Variants in KIAA1549 observed in about 807,000 individuals in gnomAD.
KIAA1549 encodes the protein KIAA1549, also known as UPF0606 protein KIAA1549.
A neutral mutation model predicts 156.4 loss-of-function variants in KIAA1549; 70 were observed. The ratio of observed to expected loss-of-function variants is 0.45; its 90% confidence interval spans 0.37 to 0.55. The LOEUF is 0.55. Among genes scored for constraint, KIAA1549 ranks in the 20% least tolerant of loss-of-function variants. The pLI is 0.00. For synonymous variants in KIAA1549, 1,103 were observed against 1,066.4 expected (o/e 1.03, Z -0.67); for missense variants, 2,428 against 2,540.9 (o/e 0.96, Z 0.96).
intron 1 of KIAA1549, among the ~76,000 whole-genome samples, chr7:138,959,575 C>T (rs1259433334): frequency 6.6e-6 from 1 of 152,194 alleles, no homozygotes; most frequent in East Asian, 1.9e-4. Context: ...TTAACCCTGA[C>T]TGTTGGTTAT....
chr7:138,867,934 GC>G, intron 15 of KIAA1549, 40 bp downstream of exon 15: 1 of 1,603,170 alleles, frequency 6.2e-7, no homozygotes, highest in Non-Finnish European at 8.5e-7. Flanking sequence ...TCTAGGAGCC[GC>G]CCCACCCGAG....
intron 1 of KIAA1549, among the ~76,000 whole-genome samples, chr7:138,975,727 G>C (rs1295661004): frequency 6.6e-6 from 1 of 152,174 alleles, no homozygotes; most frequent in Middle Eastern, 3.2e-3. Context: ...GATGAAAGGT[G>C]GGTGGTCACA....
chr7:138,970,188 T>C (rs555225839), intron 1 of KIAA1549, among the ~76,000 whole-genome samples: 14 of 152,338 alleles, frequency 9.2e-5, no homozygotes, highest in South Asian at 2.1e-4. Flanking sequence ...TGTTTATTCA[T>C]TCATCTGTCC....
chr7:138,931,758 A>AC (rs1812879756), intron 1 of KIAA1549, among the ~76,000 whole-genome samples: 1 of 82,122 alleles, frequency 1.2e-5, no homozygotes, highest in African/African-American at 9.4e-5. Context: ...ATCTCAAAAA[A>AC]AAAAAAAAAA....
intron 1 of KIAA1549, among the ~76,000 whole-genome samples, chr7:138,955,933 A>T (rs1813650464): frequency 6.6e-6 from 1 of 152,060 alleles, no homozygotes; most frequent in African/African-American, 2.4e-5. Context: ...TGCTTCTGTC[A>T]CCCAGGCTGG....
chr7:138,916,861 CGCAGGGATG>C lies in KIAA1549; in HGVS notation c.2756_2764del (p.Pro919_Leu921del). ...TTCGAGAGTGAAGGCAGTCACGGGA[CGCAGGGATG>C]GCAGGGGAGGAGCAGCACTACTCTC... On this transcript the variant is annotated inframe_deletion, in exon 2 of 20. Coordinates refer to ENST00000422774, the MANE Select transcript of KIAA1549 (RefSeq NM_001164665.2). 2 of 1,613,900 alleles carry C rather than the reference CGCAGGGATG, an allele frequency of 1.2e-6. No individual in the cohort carries two copies. The highest frequency in any genetic ancestry group is 2.7e-5 in the African/African-American group (2 of 75,034).
chr7:138,870,203 A>G (rs541066990), intron 13 of KIAA1549, among the ~76,000 whole-genome samples: 6 of 151,808 alleles, frequency 4.0e-5, no homozygotes, highest in Non-Finnish European at 8.8e-5. Flanking sequence ...TCTGGCCCAC[A>G]CTTAACTTGC....
chr7:138,844,240 C>T (rs747846281), intron 18 of KIAA1549, 77 bp downstream of exon 18: 61 of 1,546,016 alleles, frequency 3.9e-5, no homozygotes, highest in Non-Finnish European at 4.7e-5. Flanking sequence ...CACTGACACT[C>T]TGAGACACCT....
chr7:138,941,270 C>G (rs933719523), intron 1 of KIAA1549, among the ~76,000 whole-genome samples: 1 of 151,980 alleles, frequency 6.6e-6, no homozygotes, highest in Non-Finnish European at 1.5e-5. Context: ...AATCATTGAC[C>G]CTGTGAATAT....
At chr7:138,924,882 C>G (rs1053329965) in intron 1 of KIAA1549, among the ~76,000 whole-genome samples, 3 of 152,114 alleles carry the variant, frequency 2.0e-5, no homozygotes, top group Admixed American at 6.6e-5. Flanking sequence ...TCTTGGATGA[C>G]AGAGAAAGGA....
chr7:138,964,942 G>A (rs1163805930), intron 1 of KIAA1549, among the ~76,000 whole-genome samples: 1 of 151,374 alleles, frequency 6.6e-6, no homozygotes, highest in Non-Finnish European at 1.5e-5. Flanking sequence ...GCTCATAGCA[G>A]TGTTTTTTTT....
At chr7:138,910,995 G>A in intron 4 of KIAA1549, 151 bp downstream of exon 4, 1 of 651,810 alleles carries the variant, frequency 1.5e-6, no homozygotes, top group Non-Finnish European at 2.5e-6. Context: ...TCACACCACT[G>A]CATTCCAGCC....
chr7:138,923,677 A>G (rs1812628131), intron 1 of KIAA1549, among the ~76,000 whole-genome samples: 1 of 152,182 alleles, frequency 6.6e-6, no homozygotes, highest in Non-Finnish European at 1.5e-5. Context: ...TAATACTCCT[A>G]TGTAATTGGT....
intron 9 of KIAA1549, among the ~76,000 whole-genome samples, chr7:138,898,107 G>T (rs1026590970): frequency 1.5e-4 from 22 of 151,398 alleles, no homozygotes; most frequent in African/African-American, 5.3e-4. Flanking sequence ...AAGAGATCGA[G>T]ACCATCCGGG....
intron 1 of KIAA1549, among the ~76,000 whole-genome samples, chr7:138,966,790 T>C (rs1056142179): frequency 6.6e-6 from 1 of 152,072 alleles, no homozygotes; most frequent in Non-Finnish European, 1.5e-5. Context: ...ACACTCAATA[T>C]TAACCTTGCA....
intron 1 of KIAA1549, among the ~76,000 whole-genome samples, chr7:138,954,696 C>T (rs1275292883): frequency 1.3e-5 from 2 of 152,256 alleles, no homozygotes; most frequent in Non-Finnish European, 2.9e-5. Context: ...TCCAGGCTCA[C>T]GGAAGCCTCT....
intron 1 of KIAA1549, among the ~76,000 whole-genome samples, chr7:138,921,229 C>A (rs140825623): frequency 6.6e-6 from 1 of 152,172 alleles, no homozygotes; most frequent in Non-Finnish European, 1.5e-5. Flanking sequence ...CAAAAACAGG[C>A]ATCGGTTTCT....
chr7:138,889,445 T>A (rs1811489750), intron 10 of KIAA1549, among the ~76,000 whole-genome samples: 1 of 152,244 alleles, frequency 6.6e-6, no homozygotes, highest in Admixed American at 6.5e-5. Context: ...ATCGAGCAGT[T>A]AATATACAGC....
At position 138,963,761 on chromosome 7, in the gene KIAA1549, C is replaced by T. The variant is rs565707334; in HGVS notation, c.187+17322G>A. Among the ~76,000 whole-genome samples the T allele has an allele frequency of 3.3e-5, 5 of 152,274 alleles. No homozygotes were observed. The East Asian group carries it at 9.6e-4, about 29-fold the overall frequency. On this transcript the variant is annotated intron_variant, in intron 1 of 19. Transcript: ENST00000422774. ...AGTAAATAAGAAATTGATTTTAAAC[C>T]AGTGGTATACACTAACTTAATTAAC...
Sources: allele counts gnomAD v4.1 joint callset (sites outside exome capture counted in the v4.1 genomes callset), GRCh38; gene constraint gnomAD v4.1.1; transcripts MANE v1.5; gene names NCBI Gene and HGNC (gene_info 2026-07-23, HGNC 2026-07-21).